Variants in XIRP2 observed in about 807,000 individuals in gnomAD.
The protein encoded by XIRP2 is xin actin binding repeat containing 2, also known as xin actin-binding repeat-containing protein 2.
A neutral mutation model predicts 277.0 loss-of-function variants in XIRP2; 236 were observed. The ratio of observed to expected loss-of-function variants is 0.85; its 90% CI spans 0.77 to 0.95. The LOEUF (loss-of-function observed/expected upper bound fraction) is 0.95. Among genes scored for constraint, XIRP2 ranks in the 40% least tolerant of loss-of-function variants. The pLI is 0.00. For missense variants in XIRP2, 4,640 were observed against 4,157.5 expected (o/e 1.12, Z -3.19); for synonymous variants, 1,490 against 1,416.5 (o/e 1.05, Z -1.17).
intron 2 of XIRP2, among the ~76,000 whole-genome samples, chr2:167,094,632 T>C (rs1407447070): frequency 6.6e-6 from 1 of 152,184 alleles, no homozygotes; most frequent in Non-Finnish European, 1.5e-5. Flanking sequence ...GTTGTAGATA[T>C]GTGGTGTTAT....
rs1302444701 is a variant in XIRP2, at chr2:167,243,200, T to A, written c.1808T>A (p.Ile603Asn). ...GATGAAGGTGATATTTCCAGGGGCA[T>A]TGCTGATCAAGAAATCATTGCTGGT... The part of the protein sequence containing the change: ...SPDEGDISRG[I>N]ADQEIIAGGD... The change falls in exon 9 of 11, where the codon ATT becomes AAT. Residue 603 changes from isoleucine (I) to asparagine (N), a missense_variant. Ile to Asn is a moderately radical substitution (Grantham distance 149, BLOSUM62 -3). Coordinates refer to ENST00000409195, the MANE Select transcript of XIRP2 (RefSeq NM_152381.6). 1.9e-6 allele frequency: 3 copies of A among 1,614,142 alleles called. No individual in the cohort carries two copies. Among genetic ancestry groups the A allele is most frequent in the Non-Finnish European group, 2.5e-6 (3 of 1,179,998 alleles).
chr2:167,100,168 A>AT (rs774244211), intron 2 of XIRP2, among the ~76,000 whole-genome samples: 10 of 151,890 alleles, frequency 6.6e-5, no homozygotes, highest in South Asian at 6.2e-4. Context: ...TAAAAAAAAA[A>AT]TTAAAAAAAA....
At chr2:167,001,168 C>A (rs979332121) in intron 2 of XIRP2, among the ~76,000 whole-genome samples, 2 of 151,554 alleles carry the variant, frequency 1.3e-5, no homozygotes, top group African/African-American at 4.8e-5. Flanking sequence ...TTACCGATAC[C>A]CTAAACAGGT....
chr2:166,921,739 G>C (rs1476433314), intron 2 of XIRP2, among the ~76,000 whole-genome samples: 1 of 152,088 alleles, frequency 6.6e-6, no homozygotes, highest in Non-Finnish European at 1.5e-5. Flanking sequence ...CTACTCTTAG[G>C]TTATGTGCAT....
At chr2:167,037,313 C>G (rs543832674) in intron 2 of XIRP2, among the ~76,000 whole-genome samples, 6 of 152,136 alleles carry the variant, frequency 3.9e-5, no homozygotes, top group Non-Finnish European at 1.5e-5. Flanking sequence ...GGCCACAGAA[C>G]AAGTCTTAAA....
rs768625195 is a variant in XIRP2 at position 167,249,197 on chromosome 2, A to C, written c.7805A>C (p.Asp2602Ala). ...TNEEVSLSGI[D>A]SECTVVQPSP... ...GAGGAGGTTTCCCTATCTGGAATTGATTCAGAATGCACTGTGGTTCAACCC... is the reference window on the plus strand; with the variant it reads ...GAGGAGGTTTCCCTATCTGGAATTGCTTCAGAATGCACTGTGGTTCAACCC... Residue 2602 changes from aspartate (D) to alanine (A), a missense_variant, in exon 9 of 11, where the codon GAT becomes GCT. Physicochemically the swap from Asp to Ala is moderately radical, Grantham distance 126. Coordinates refer to ENST00000409195, the MANE Select transcript of XIRP2 (RefSeq NM_152381.6). The C allele has an allele frequency of 3.1e-6, 5 of 1,613,646 alleles. No individual in the cohort carries two copies. The highest frequency in any genetic ancestry group is 4.2e-6 in the Non-Finnish European group (5 of 1,179,790).
intron 3 of XIRP2, among the ~76,000 whole-genome samples, chr2:167,181,680 T>C (rs1693012867): frequency 6.6e-6 from 1 of 152,228 alleles, no homozygotes; most frequent in African/African-American, 2.4e-5. Context: ...CTTTCATTCA[T>C]TCCTGTCTTT....
chr2:166,890,826 G>A (rs1348295627), intron 1 of XIRP2, among the ~76,000 whole-genome samples: 1 of 152,104 alleles, frequency 6.6e-6, no homozygotes, highest in African/African-American at 2.4e-5. Flanking sequence ...ACAGTTTTCT[G>A]GGACTCTGAG....
intron 2 of XIRP2, among the ~76,000 whole-genome samples, chr2:167,094,024 T>C (rs1690223129): frequency 6.6e-6 from 1 of 151,662 alleles, no homozygotes; most frequent in African/African-American, 2.4e-5. Context: ...TGGCATGAGA[T>C]GGTATCTCAT....
intron 2 of XIRP2, among the ~76,000 whole-genome samples, chr2:166,930,578 A>G (rs1685308586): frequency 6.6e-6 from 1 of 152,156 alleles, no homozygotes; most frequent in African/African-American, 2.4e-5. Flanking sequence ...GTATGATAGT[A>G]ATTTTGCATG....
intron 2 of XIRP2, among the ~76,000 whole-genome samples, chr2:167,063,023 A>G (rs1689210055): frequency 6.6e-6 from 1 of 151,910 alleles, no homozygotes; most frequent in Admixed American, 6.6e-5. Context: ...GTTTGTAGGC[A>G]AACACTTCTA....
chr2:167,169,302 G>A (rs2105347462), intron 3 of XIRP2, among the ~76,000 whole-genome samples: 1 of 152,282 alleles, frequency 6.6e-6, no homozygotes. Flanking sequence ...TAGTGCTCCT[G>A]AAGGCAAAAC....
chr2:167,209,073 C>A (rs1214097957), intron 3 of XIRP2, among the ~76,000 whole-genome samples: 3 of 152,104 alleles, frequency 2.0e-5, no homozygotes, highest in African/African-American at 7.2e-5. Flanking sequence ...TTTTGGATGA[C>A]AGGTGAATTT....
chr2:166,964,783 T>G (rs1160159786), intron 2 of XIRP2, among the ~76,000 whole-genome samples: 1 of 151,898 alleles, frequency 6.6e-6, no homozygotes, highest in Non-Finnish European at 1.5e-5. Flanking sequence ...TAAGTTTATC[T>G]TAGGCAGCCT....
intron 3 of XIRP2, among the ~76,000 whole-genome samples, chr2:167,161,463 A>G (rs1214478883): frequency 2.6e-5 from 4 of 152,162 alleles, no homozygotes; most frequent in Non-Finnish European, 4.4e-5. Flanking sequence ...CCAAACCCCA[A>G]TTCTTGATTT....
At chr2:166,912,621 C>A (rs1667203267) in intron 2 of XIRP2, among the ~76,000 whole-genome samples, 1 of 152,232 alleles carries the variant, frequency 6.6e-6, no homozygotes, top group Non-Finnish European at 1.5e-5. Flanking sequence ...CAAATTCATT[C>A]TCCATCCAGC....
intron 2 of XIRP2, among the ~76,000 whole-genome samples, chr2:166,937,423 C>A (rs951208413): frequency 3.9e-5 from 6 of 152,108 alleles, no homozygotes; most frequent in Non-Finnish European, 7.4e-5. Flanking sequence ...CTTGCACCAG[C>A]CTTGCATCCC....
intron 2 of XIRP2, among the ~76,000 whole-genome samples, chr2:167,133,709 T>G (rs932995413): frequency 6.6e-6 from 1 of 152,188 alleles, no homozygotes; most frequent in Non-Finnish European, 1.5e-5. Flanking sequence ...TCTCATCTTG[T>G]TTTTGCCAAT....
intron 2 of XIRP2, among the ~76,000 whole-genome samples, chr2:166,957,258 A>G (rs2105402966): frequency 6.6e-6 from 1 of 151,840 alleles, no homozygotes; most frequent in Admixed American, 6.6e-5. Flanking sequence ...TAAATTGTAC[A>G]AGGGAAAAAA....
Sources: gnomAD v4.1 joint callset for allele counts (sites outside exome capture counted in the v4.1 genomes callset) on GRCh38, gnomAD v4.1.1 for gene constraint, MANE v1.5 for transcripts, NCBI Gene and HGNC (gene_info 2026-07-23, HGNC 2026-07-21) for gene names.